GNB5: variants seen among roughly 807,000 people sequenced by gnomAD.
The protein encoded by GNB5 is guanine nucleotide-binding protein subunit beta-5.
A neutral mutation model predicts 55.3 loss-of-function variants in GNB5; 37 were observed. That is an observed-to-expected ratio of 0.67 (90% confidence interval 0.51 to 0.88). GNB5 has a LOEUF of 0.88. Ranked by LOEUF, GNB5 falls within the 40% of genes least tolerant of loss-of-function variation. The pLI is 0.00. For missense variants in GNB5, 476 were observed against 515.3 expected, an observed-to-expected ratio of 0.92 and a Z score of 0.74; for synonymous variants, 219 against 198.5, an observed-to-expected ratio of 1.10 and a Z score of -0.87.
chr15:52,174,504 G>A (rs1408511397), intron 3 of GNB5, among the ~76,000 whole-genome samples: 1 of 152,144 alleles, frequency 6.6e-6, no homozygotes. Flanking sequence ...ATGTGAGCTG[G>A]CTTCCCATCA....
chr15:52,180,103 T>C (rs1055437344), intron 2 of GNB5: 9 of 388,456 alleles, frequency 2.3e-5, no homozygotes, highest in Admixed American at 5.0e-5. Context: ...CGCGTCAGCC[T>C]CTCTCCTCCG....
intron 7 of GNB5, chr15:52,138,743 C>A (rs980389223): frequency 1.3e-5 from 2 of 152,140 alleles, no homozygotes; most frequent in African/African-American, 4.8e-5. Flanking sequence ...CAGGTCCAAA[C>A]AATTTTCTTT....
At chr15:52,163,892 T>C (rs2034394683) in intron 3 of GNB5, among the ~76,000 whole-genome samples, 1 of 152,130 alleles carries the variant, frequency 6.6e-6, no homozygotes, top group African/African-American at 2.4e-5. Flanking sequence ...ATGCCATCTT[T>C]GCTGTTTTGC....
At chr15:52,166,351 A>G (rs2034450692) in intron 3 of GNB5, among the ~76,000 whole-genome samples, 1 of 152,246 alleles carries the variant, frequency 6.6e-6, no homozygotes, top group African/African-American at 2.4e-5. Flanking sequence ...CCTGACAGAT[A>G]TCTACAGAAT....
intron 6 of GNB5, chr15:52,144,448 T>C (rs565342756): frequency 1.6e-4 from 25 of 152,236 alleles, no homozygotes; most frequent in African/African-American, 6.0e-4. Context: ...CCCTAGGATA[T>C]AAAAAAATGT....
chr15:52,156,867 G>A (rs1317141479), intron 3 of GNB5, among the ~76,000 whole-genome samples: 1 of 151,780 alleles, frequency 6.6e-6, no homozygotes, highest in Non-Finnish European at 1.5e-5. Flanking sequence ...CAGCATATTC[G>A]TCTTTTACAA....
chr15:52,163,310 A>G (rs1274468130), intron 3 of GNB5, among the ~76,000 whole-genome samples: 1 of 152,198 alleles, frequency 6.6e-6, no homozygotes, highest in Non-Finnish European at 1.5e-5. Flanking sequence ...GGCCCAAGAA[A>G]GTCCTGTGAG....
At chr15:52,189,262 C>G (rs988269565) in intron 1 of GNB5, among the ~76,000 whole-genome samples, 3 of 152,194 alleles carry the variant, frequency 2.0e-5, no homozygotes. Flanking sequence ...CCATAAGACC[C>G]CGCAATCCTA....
chr15:52,165,873 G>T (rs1436237428), intron 3 of GNB5, among the ~76,000 whole-genome samples: 1 of 152,158 alleles, frequency 6.6e-6, no homozygotes, highest in Non-Finnish European at 1.5e-5. Flanking sequence ...TGGGCTAAAT[G>T]CTCCAATTAA....
At chr15:52,149,862 G>A (rs745688525) in intron 5 of GNB5, 22 bp downstream of exon 5, 8 of 1,587,944 alleles carry the variant, frequency 5.0e-6, no homozygotes, top group African/African-American at 2.7e-5. Flanking sequence ...CCTCTATAAC[G>A]TGGCTGGGAA....
At chr15:52,157,232 G>C (rs969167543) in intron 3 of GNB5, among the ~76,000 whole-genome samples, 2 of 139,934 alleles carry the variant, frequency 1.4e-5, no homozygotes. Context: ...CACGGCACCC[G>C]GCCTGATTCT....
rs936519582 is a variant in GNB5 at position 52,137,505 on chromosome 15, T to A, written c.628-1749A>T. ...CTCTGGAAGCTTCTGGGCAGGAGAA[T>A]GAGAAAAGCAAACGTATGTTTTAGG... On this transcript the variant is annotated intron_variant, in intron 7 of 12. Transcript: ENST00000261837. 5.9e-6 allele frequency: 6 copies of A among 1,015,692 alleles called. No individual in the cohort carries two copies. In the Admixed American group the frequency reaches 3.1e-4, roughly 53 times the overall value. The allele number at this position is 1,015,692 out of a possible 1,614,324, so 62.9% of individuals were successfully genotyped here. A position where few individuals can be genotyped will look rare whatever the true frequency, so the allele number is the denominator to read the frequency against.
intron 2 of GNB5, chr15:52,181,311 T>C (rs1048627220): frequency 1.3e-5 from 2 of 152,260 alleles, no homozygotes; most frequent in South Asian, 2.1e-4. Flanking sequence ...AGGATTGTTA[T>C]GAGAATTAAG....
In GNB5 at chr15:52,121,308, G is replaced by A. The variant is rs545796744; in HGVS notation, c.*1449C>T. 20 of 152,380 alleles carry A rather than the reference G, an allele frequency of 1.3e-4. No homozygotes were observed. The highest frequency in any genetic ancestry group is 7.8e-4 in the Admixed American group (12 of 15,308). The allele number at this position is 152,380 out of a possible 1,614,324, so 9.4% of individuals were successfully genotyped here. Reference sequence around the variant, plus strand: ...CCACCGACGAGGCAGGCCTCACCAGGAATGACACCTGGTGTCTGAGGTGAC... The same window carrying A: ...CCACCGACGAGGCAGGCCTCACCAGAAATGACACCTGGTGTCTGAGGTGAC... On this transcript the variant is annotated 3_prime_UTR_variant, in exon 13 of 13. Transcript: ENST00000261837.
At position 52,122,776 on chromosome 15, in the gene GNB5, GAC is replaced by G. The variant is rs1406513576; in HGVS notation, c.1177-10_1177-9del. Reference sequence around the variant, plus strand: ...AGATGATTAGGCCCAGACCTGTGAAGACACAAACAGATAGTTTTTAGACCTTT... The same window carrying G: ...AGATGATTAGGCCCAGACCTGTGAAGACAAACAGATAGTTTTTAGACCTTT... On this transcript the variant is annotated splice_polypyrimidine_tract_variant and intron_variant, in intron 12 of 12. Coordinates refer to ENST00000261837, the MANE Select transcript of GNB5 (RefSeq NM_016194.4). 1.2e-6 allele frequency: 2 copies of G among 1,601,410 alleles called. No homozygotes were observed. The highest frequency in any genetic ancestry group is 8.6e-7 in the Non-Finnish European group (1 of 1,168,452).
rs1250128468 is a variant in GNB5 at position 52,118,890 on chromosome 15, AG to A, written c.*3866del. ...CACGTAAAAAAAAAAAAAAAAAAAA[AG>A]TGTACAGAGATCCTAAGACCAAAAA... On this transcript the variant is annotated 3_prime_UTR_variant, in exon 13 of 13. Coordinates refer to ENST00000261837, the MANE Select transcript of GNB5 (RefSeq NM_016194.4). 3 of 149,686 alleles carry A rather than the reference AG, an allele frequency of 2.0e-5. No homozygotes were observed. The highest frequency in any genetic ancestry group is 4.9e-5 in the African/African-American group (2 of 40,800). The allele number at this position is 149,686 out of a possible 1,614,324, so 9.3% of individuals were successfully genotyped here.
At chr15:52,177,468 G>A (rs905525770) in intron 3 of GNB5, among the ~76,000 whole-genome samples, 4 of 150,784 alleles carry the variant, frequency 2.7e-5, no homozygotes, top group African/African-American at 7.3e-5. Context: ...GACCAGCCTG[G>A]CCAACATGGT....
intron 1 of GNB5, among the ~76,000 whole-genome samples, 152 bp from the exon 2 acceptor site, chr15:52,184,846 C>A (rs1418573237): frequency 3.3e-5 from 5 of 152,192 alleles, no homozygotes; most frequent in African/African-American, 1.2e-4. Flanking sequence ...TCAACTATTA[C>A]AACATGCTGG....
intron 3 of GNB5, among the ~76,000 whole-genome samples, chr15:52,160,359 TGCCTAACA>T (rs1462875979): frequency 6.6e-6 from 1 of 152,190 alleles, no homozygotes; most frequent in African/African-American, 2.4e-5. Flanking sequence ...CAAATTAAAG[TGCCTAACA>T]GGCAGCTGGC....
Sources: allele counts gnomAD v4.1 joint callset (sites outside exome capture counted in the v4.1 genomes callset), GRCh38; gene constraint gnomAD v4.1.1; transcripts MANE v1.5; gene names NCBI Gene and HGNC (gene_info 2026-07-23, HGNC 2026-07-21).